PCDH11X: variants seen among roughly 807,000 people sequenced by gnomAD.
PCDH11X encodes the protein protocadherin 11 X-linked.
A neutral mutation model predicts 53.3 loss-of-function variants in PCDH11X; 18 were observed. That is an observed-to-expected ratio of 0.34 (90% CI 0.23 to 0.50). PCDH11X has a LOEUF of 0.50. Among genes scored for constraint, PCDH11X ranks in the 20% least tolerant of loss-of-function variants. The pLI is 0.98. For synonymous variants in PCDH11X, 279 were observed against 393.3 expected, an observed-to-expected ratio of 0.71 and a Z score of 3.44; for missense variants, 570 against 1,032.4, an observed-to-expected ratio of 0.55 and a Z score of 6.14.
At chrX:92,020,082 C>T (rs1294165989) in intron 6 of PCDH11X, among the ~76,000 whole-genome samples, 5 of 112,499 alleles carry the variant, frequency 4.4e-5, no homozygotes, top group Non-Finnish European at 7.5e-5. Context: ...AGATTCCACT[C>T]GTGAGCCCAT....
intron 10 of PCDH11X, among the ~76,000 whole-genome samples, chrX:92,541,330 A>T (rs1447698762): frequency 1.8e-5 from 2 of 109,260 alleles, no homozygotes; most frequent in African/African-American, 6.7e-5. Flanking sequence ...TGTGACAGGC[A>T]GCACCGAGTA....
chrX:92,364,939 T>G (rs1176618976), intron 8 of PCDH11X, among the ~76,000 whole-genome samples: 2 of 40,501 alleles, frequency 4.9e-5, no homozygotes, highest in East Asian at 7.7e-4. Flanking sequence ...AAAAAAAAAT[T>G]TCTTTCTTTA....
At chrX:92,066,033 G>A (rs1419742039) in intron 6 of PCDH11X, among the ~76,000 whole-genome samples, 3 of 108,688 alleles carry the variant, frequency 2.8e-5, no homozygotes, top group Non-Finnish European at 5.7e-5. Context: ...ATTTTTGTAA[G>A]GTGAGAGACA....
intron 6 of PCDH11X, among the ~76,000 whole-genome samples, chrX:92,196,996 A>G (rs552855503): frequency 1.8e-5 from 2 of 111,779 alleles, no homozygotes; most frequent in Non-Finnish European, 3.8e-5. Flanking sequence ...ATAGTAACTC[A>G]GTATCATAGA....
chrX:92,245,328 T>G (rs187401281), intron 7 of PCDH11X, among the ~76,000 whole-genome samples: 10 of 112,336 alleles, frequency 8.9e-5, no homozygotes, highest in African/African-American at 3.2e-4. Flanking sequence ...TGATAGATAT[T>G]GGAATTGAGC....
At chrX:91,823,143 A>G (rs2092786961) in intron 4 of PCDH11X, among the ~76,000 whole-genome samples, 1 of 109,913 alleles carries the variant, frequency 9.1e-6, no homozygotes, top group Admixed American at 9.7e-5. Flanking sequence ...AAAAAAATGT[A>G]TATTCTGTTG....
intron 6 of PCDH11X, among the ~76,000 whole-genome samples, chrX:91,881,219 A>T (rs1172925889): frequency 4.2e-4 from 47 of 110,776 alleles, no homozygotes; most frequent in African/African-American, 1.4e-3. Flanking sequence ...TTGTTTTTTT[A>T]AAAATATTTT....
At chrX:92,232,876 C>A (rs1444307620) in intron 7 of PCDH11X, among the ~76,000 whole-genome samples, 1 of 111,306 alleles carries the variant, frequency 9.0e-6, no homozygotes, top group African/African-American at 3.3e-5. Flanking sequence ...CCACCACGCC[C>A]GGCTAATTTT....
intron 10 of PCDH11X, among the ~76,000 whole-genome samples, chrX:92,609,182 T>G (rs1157597313): frequency 8.9e-6 from 1 of 112,128 alleles, no homozygotes; most frequent in African/African-American, 3.2e-5. Context: ...TTGGTGATTA[T>G]TAATAATGCT....
chrX:92,225,684 C>T (rs1007214111), intron 7 of PCDH11X, among the ~76,000 whole-genome samples: 1 of 110,827 alleles, frequency 9.0e-6, no homozygotes, highest in Non-Finnish European at 1.9e-5. Context: ...TAAGATTTTG[C>T]AAAATTAAGA....
intron 6 of PCDH11X, among the ~76,000 whole-genome samples, chrX:92,179,737 G>T (rs1405551500): frequency 8.9e-6 from 1 of 111,918 alleles, no homozygotes. Context: ...GGCAATTAGA[G>T]GTAATACAGT....
intron 10 of PCDH11X, among the ~76,000 whole-genome samples, chrX:92,589,542 A>G (rs1242971811): frequency 8.9e-6 from 1 of 111,740 alleles, no homozygotes; most frequent in Non-Finnish European, 1.9e-5. Context: ...GAGGTATAAG[A>G]TAGTATTCGC....
chrX:92,283,662 C>G (rs2068296891), intron 8 of PCDH11X, among the ~76,000 whole-genome samples: 2 of 111,565 alleles, frequency 1.8e-5, no homozygotes, highest in African/African-American at 6.5e-5. Context: ...ATCTGATGGA[C>G]AATTTTGCGT....
At position 92,552,256 on chromosome X, in the gene PCDH11X, A is replaced by T. The variant is rs756048489; in HGVS notation, c.3368-66008A>T. On this transcript the variant is annotated intron_variant, in intron 10 of 10. Transcript: ENST00000682573. The stretch of plus-strand genomic sequence containing the variant: ...GTGTTTTATAGCTTTCATTACAGAG[A>T]TCTCTCACTTTTGGTTAATTCCTAG... 6.1e-5 allele frequency among the ~76,000 whole-genome samples: 6 copies of T among 98,456 alleles called. No individual in the cohort carries two copies. In the East Asian group the frequency reaches 1.3e-3, roughly 21 times the overall value. 85.5% of individuals were successfully genotyped at this position (98,456 alleles called of 115,157 possible).
intron 10 of PCDH11X, among the ~76,000 whole-genome samples, chrX:92,604,551 C>T (rs2750684): frequency 5.4e-5 from 6 of 110,945 alleles, no homozygotes; most frequent in Admixed American, 1.9e-4. Flanking sequence ...CAAGGAGAAA[C>T]GGGGAAACCG....
intron 9 of PCDH11X, among the ~76,000 whole-genome samples, chrX:92,393,815 A>G (rs1409889080): frequency 1.8e-5 from 2 of 110,852 alleles, no homozygotes; most frequent in Non-Finnish European, 3.8e-5. Flanking sequence ...AGAATAAGGT[A>G]TACTTGGTAG....
At chrX:91,936,937 A>G (rs2061451830) in intron 6 of PCDH11X, among the ~76,000 whole-genome samples, 1 of 108,326 alleles carries the variant, frequency 9.2e-6, no homozygotes, top group African/African-American at 3.3e-5. Flanking sequence ...TTATTTATAT[A>G]ATGATTTAAA....
intron 10 of PCDH11X, among the ~76,000 whole-genome samples, chrX:92,585,845 T>G (rs1262297254): frequency 9.3e-6 from 1 of 107,947 alleles, no homozygotes; most frequent in Admixed American, 1.0e-4. Context: ...TAACTTTGGA[T>G]AGCTTTGGGT....
intron 6 of PCDH11X, among the ~76,000 whole-genome samples, chrX:92,139,582 C>T (rs983694421): frequency 2.7e-5 from 3 of 110,251 alleles, no homozygotes; most frequent in Non-Finnish European, 5.7e-5. Context: ...CTAATCAAAA[C>T]GACAGTAGCT....
Sources: allele counts gnomAD v4.1 joint callset (sites outside exome capture counted in the v4.1 genomes callset), GRCh38; gene constraint gnomAD v4.1.1; transcripts MANE v1.5; gene names NCBI Gene and HGNC (gene_info 2026-07-23, HGNC 2026-07-21).